MTA1: variants seen among roughly 807,000 people sequenced by gnomAD.
MTA1 encodes metastasis associated 1.
MTA1 carries 15 observed loss-of-function variants against 97.0 expected under a neutral mutation model. The ratio of observed to expected loss-of-function variants is 0.15; its 90% confidence interval spans 0.10 to 0.24. The LOEUF (loss-of-function observed/expected upper bound fraction) is 0.24, where lower values mean the gene tolerates loss of function less well. Among genes scored for constraint, MTA1 ranks in the 10% least tolerant of loss-of-function variants. The probability of loss-of-function intolerance (pLI) is 1.00; values close to 1 mark genes in which losing one functional copy is unlikely to be tolerated. For synonymous variants in MTA1, 435 were observed against 417.5 expected, an observed-to-expected ratio of 1.04 and a Z score of -0.51; for missense variants, 709 against 1,015.1, an observed-to-expected ratio of 0.70 and a Z score of 4.10.
intron 18 of MTA1, 51 bp downstream of exon 18, chr14:105,466,793 C>T: frequency 6.5e-7 from 1 of 1,538,562 alleles, no homozygotes; most frequent in Non-Finnish European, 8.8e-7. Flanking sequence ...CCCGTGATGC[C>T]TGTGCTGTGC....
At chr14:105,454,675 C>T (rs587651797) in intron 7 of MTA1, 114 of 169,062 alleles carry the variant, frequency 6.7e-4, no homozygotes, top group Admixed American at 2.0e-3. Context: ...GGGGTGATCT[C>T]GGCTCACTGC....
intron 6 of MTA1, 79 bp downstream of exon 6, chr14:105,450,403 G>T (rs1354527614): frequency 6.7e-7 from 1 of 1,482,596 alleles, no homozygotes; most frequent in Non-Finnish European, 9.1e-7. Context: ...TGCTGGCCTG[G>T]GCGGCGGAGA....
chr14:105,455,350 G>A (rs1555429645), intron 7 of MTA1, among the ~76,000 whole-genome samples: 2 of 152,236 alleles, frequency 1.3e-5, no homozygotes, highest in African/African-American at 4.8e-5. Flanking sequence ...GATGCTGGCA[G>A]CCTCCTCCCT....
rs1416841164 is a variant in MTA1 at position 105,420,644 on chromosome 14, C to CA, written c.28+584dup. 6.6e-6 allele frequency among the ~76,000 whole-genome samples: 1 copy of CA among 152,194 alleles called. No homozygotes were observed. The highest frequency in any genetic ancestry group is 1.9e-4 in the East Asian group (1 of 5,188). ...TCCCGAGCACGCCTCTAAGTCCCCC[C>CA]AAACTTTTCCCTGCCTCTCGCTCAC... On this transcript the variant is annotated intron_variant, in intron 1 of 20. Transcript: ENST00000331320. This position sits in a 1 kb window ranked among gnomAD's most constrained non-coding sequence, Gnocchi z 5.3.
Position 105,467,643 on chromosome 14 carries a change from CTG to C in MTA1, c.1813+905_1813+906del, listed in dbSNP as rs1471042817. The C allele has an allele frequency of 1.6e-5, 6 of 372,832 alleles. 1 individual carries two copies. The highest frequency in any genetic ancestry group is 1.3e-4 in the African/African-American group (6 of 47,522). 23.1% of individuals were successfully genotyped at this position (372,832 alleles called of 1,614,324 possible). A position where few individuals can be genotyped will look rare whatever the true frequency, so the allele number is the denominator to read the frequency against. On this transcript the variant is annotated intron_variant, in intron 18 of 20. Coordinates refer to ENST00000331320, the MANE Select transcript of MTA1 (RefSeq NM_004689.4). ...TCCTCCCGACATCCCTTGGCGGTGTCTGTGTCTCGGCCCCAGCCCCAGCCCTC... is the reference window on the plus strand; with the variant it reads ...TCCTCCCGACATCCCTTGGCGGTGTCTGTCTCGGCCCCAGCCCCAGCCCTC...
At chr14:105,421,448 G>A (rs1309025930) in intron 1 of MTA1, among the ~76,000 whole-genome samples, 2 of 152,160 alleles carry the variant, frequency 1.3e-5, no homozygotes, top group African/African-American at 4.8e-5. Flanking sequence ...GGCTCCAGCC[G>A]GGCCCACTGC....
Position 105,449,130 on chromosome 14 carries a change from G to C in MTA1, c.191-229G>C, listed in dbSNP as rs1022215906. 5 of 516,118 alleles carry C rather than the reference G, an allele frequency of 9.7e-6. No individual in the cohort carries two copies. The African/African-American group carries it at 9.9e-5, about 10-fold the overall frequency. 32.0% of individuals were successfully genotyped at this position (516,118 alleles called of 1,614,324 possible). On this transcript the variant is annotated intron_variant, in intron 3 of 20. Coordinates refer to ENST00000331320, the MANE Select transcript of MTA1 (RefSeq NM_004689.4). Reference sequence around the variant, plus strand: ...GGGCCCTCCACAGCCAGGCTTGTCTGGGCTCTTCCCAAAGAGGCTTGGCAC... The same window carrying C: ...GGGCCCTCCACAGCCAGGCTTGTCTCGGCTCTTCCCAAAGAGGCTTGGCAC...
chr14:105,466,774 C>T, intron 18 of MTA1, 32 bp downstream of exon 18: 1 of 1,552,594 alleles, frequency 6.4e-7, no homozygotes, highest in Non-Finnish European at 8.7e-7. Context: ...GGGCGCTGCG[C>T]CGGCCCCGCC....
At chr14:105,436,539 C>T (rs906727864) in intron 1 of MTA1, among the ~76,000 whole-genome samples, 5 of 152,184 alleles carry the variant, frequency 3.3e-5, no homozygotes, top group Admixed American at 6.5e-5. Flanking sequence ...GGTTTTCCTG[C>T]GCCAGCAGCT....
At position 105,464,166 on chromosome 14, in the gene MTA1, C is replaced by CG; in HGVS notation, c.1192+24dup. ...TGTTACAGTAAGTGCCCTGGATGGCCGGGGGCACACCGCACGCCCGCCTGT... is the reference window on the plus strand; with the variant it reads ...TGTTACAGTAAGTGCCCTGGATGGCCGGGGGGCACACCGCACGCCCGCCTGT... On this transcript the variant is annotated intron_variant, in intron 13 of 20. Coordinates refer to ENST00000331320, the MANE Select transcript of MTA1 (RefSeq NM_004689.4). The CG allele has an allele frequency of 1.2e-6, 2 of 1,600,394 alleles. No individual in the cohort carries two copies. Among genetic ancestry groups the CG allele is most frequent in the Non-Finnish European group, 1.7e-6 (2 of 1,173,388 alleles).
intron 4 of MTA1, among the ~76,000 whole-genome samples, chr14:105,449,807 G>C (rs1209876662): frequency 1.3e-5 from 2 of 152,212 alleles, no homozygotes; most frequent in Non-Finnish European, 2.9e-5. Context: ...TTCATGCCCT[G>C]GGGAGTCTGG....
intron 10 of MTA1, among the ~76,000 whole-genome samples, chr14:105,462,853 A>G (rs1292952646): frequency 6.7e-6 from 1 of 149,852 alleles, no homozygotes; most frequent in African/African-American, 2.4e-5. Flanking sequence ...TGGGTGACAG[A>G]GCGAGACTCC....
In MTA1 at chr14:105,463,091, CTG is replaced by C; in HGVS notation, c.943-90_943-89del. 1.6e-6 allele frequency: 2 copies of C among 1,286,538 alleles called. No individual in the cohort carries two copies. Among genetic ancestry groups the C allele is most frequent in the Non-Finnish European group, 2.2e-6 (2 of 903,468 alleles). 79.7% of individuals were successfully genotyped at this position (1,286,538 alleles called of 1,614,324 possible). On this transcript the variant is annotated intron_variant, in intron 10 of 20. Transcript: ENST00000331320. This position sits in a 1 kb window ranked among gnomAD's most constrained non-coding sequence, Gnocchi z 5.9. The stretch of plus-strand genomic sequence containing the variant: ...CTCGCCCTCTGGCCTCCCGCCCCCT[CTG>C]TGGCCTTCTGGCCGCAGCCCTGCCC...
intron 1 of MTA1, among the ~76,000 whole-genome samples, chr14:105,425,050 G>A (rs782733343): frequency 2.6e-5 from 4 of 152,180 alleles, no homozygotes; most frequent in Admixed American, 6.5e-5. Flanking sequence ...AGGCTGGGAT[G>A]CCAGAGGAGG....
intron 6 of MTA1, among the ~76,000 whole-genome samples, chr14:105,450,974 G>A (rs922568348): frequency 3.9e-5 from 6 of 152,218 alleles, no homozygotes; most frequent in African/African-American, 1.4e-4. Flanking sequence ...TGGTTCCCTG[G>A]AGTGCCTGTC....
At position 105,464,563 on chromosome 14, in the gene MTA1, A is replaced by T. The variant is rs782540091; in HGVS notation, c.1340A>T (p.Asn447Ile). The T allele has an allele frequency of 4.3e-6, 7 of 1,612,748 alleles. No individual in the cohort carries two copies. The highest frequency in any genetic ancestry group is 5.1e-6 in the Non-Finnish European group (6 of 1,179,878). The change falls in exon 14 of 21, where the codon AAC becomes ATC. Residue 447 changes from asparagine (N) to isoleucine (I), a missense_variant. Physicochemically the swap from Asn to Ile is moderately radical, Grantham distance 149 (BLOSUM62 -3). Coordinates refer to ENST00000331320, the MANE Select transcript of MTA1 (RefSeq NM_004689.4). Reference sequence around the variant, plus strand: ...GAGAGGCCAGGACCAAACCGCAGTAACATGGTAAGGGGGGGGACACCCGCC... The same window carrying T: ...GAGAGGCCAGGACCAAACCGCAGTATCATGGTAAGGGGGGGGACACCCGCC... ...DGERPGPNRS[N>I]MSPHGLPARS...
chr14:105,452,563 G>GCC (rs2082985277), intron 6 of MTA1, among the ~76,000 whole-genome samples: 1 of 152,218 alleles, frequency 6.6e-6, no homozygotes, highest in Non-Finnish European at 1.5e-5. Context: ...ACTTACTGTT[G>GCC]TCCCAGCTAC....
chr14:105,439,827 A>G (rs1197412500), intron 2 of MTA1, among the ~76,000 whole-genome samples: 1 of 152,096 alleles, frequency 6.6e-6, no homozygotes, highest in African/African-American at 2.4e-5. Context: ...TTGGTGTTCC[A>G]TCTGGATGCT....
intron 6 of MTA1, among the ~76,000 whole-genome samples, chr14:105,450,581 G>A (rs925964224): frequency 6.6e-6 from 1 of 152,214 alleles, no homozygotes; most frequent in African/African-American, 2.4e-5. Context: ...CACCCAGACA[G>A]CCAGCGAGGG....
Sources: gnomAD v4.1 joint callset for allele counts (sites outside exome capture counted in the v4.1 genomes callset) on GRCh38, gnomAD v4.1.1 for gene constraint, Gnocchi (gnomAD v3.1) non-coding constraint, MANE v1.5 for transcripts, NCBI Gene and HGNC (gene_info 2026-07-23, HGNC 2026-07-21) for gene names.